PTPRJ: variants seen among roughly 807,000 people sequenced by gnomAD.
PTPRJ encodes protein tyrosine phosphatase receptor type J.
PTPRJ carries 129 observed loss-of-function variants against 141.3 expected under a neutral mutation model. The ratio of observed to expected loss-of-function variants is 0.91; its 90% CI spans 0.79 to 1.06. PTPRJ has a LOEUF of 1.06. Among genes scored for constraint, PTPRJ ranks in the 50% least tolerant of loss-of-function variants. The pLI, the probability that PTPRJ is intolerant of heterozygous loss-of-function variation, is 0.00. For missense variants in PTPRJ, 1,601 were observed against 1,679.7 expected, an observed-to-expected ratio of 0.95 and a Z score of 0.82; for synonymous variants, 610 against 640.5, an observed-to-expected ratio of 0.95 and a Z score of 0.72.
At position 48,137,242 on chromosome 11, in the gene PTPRJ, A is replaced by G. The variant is rs1411166951; in HGVS notation, c.2113A>G (p.Ile705Val). The G allele has an allele frequency of 6.2e-7, 1 of 1,614,014 alleles. No homozygotes were observed. The highest frequency in any genetic ancestry group is 1.3e-5 in the African/African-American group (1 of 74,906). The change falls in exon 10 of 25, where the codon ATC becomes GTC. Residue 705 changes from isoleucine (I) to valine (V), a missense_variant. Transcript: ENST00000418331. ...GATCTTTGCACAAGTAGGGGATGGG[A>G]TCAAGTCACTGGAACCTGGCCGGAA... ...VEIFAQVGDG[I>V]KSLEPGRKSF...
intron 1 of PTPRJ, among the ~76,000 whole-genome samples, chr11:48,045,766 G>A (rs1854376983): frequency 6.6e-6 from 1 of 152,172 alleles, no homozygotes; most frequent in African/African-American, 2.4e-5. Context: ...TTGGCCTTCT[G>A]CAGGCTGCAC....
chr11:48,033,689 C>T (rs1328582777), intron 1 of PTPRJ, among the ~76,000 whole-genome samples: 5 of 152,090 alleles, frequency 3.3e-5, no homozygotes, highest in Admixed American at 1.3e-4. Flanking sequence ...GATCATTGAT[C>T]GGTGAGCCTG....
At chr11:48,098,338 G>T (rs1426611908) in intron 1 of PTPRJ, among the ~76,000 whole-genome samples, 1 of 152,154 alleles carries the variant, frequency 6.6e-6, no homozygotes, top group Non-Finnish European at 1.5e-5. Context: ...TGTAACTAGC[G>T]GGATAAGGTA....
chr11:48,125,467 T>C (rs1302200967), intron 6 of PTPRJ, among the ~76,000 whole-genome samples: 1 of 152,244 alleles, frequency 6.6e-6, no homozygotes, highest in Non-Finnish European at 1.5e-5. Context: ...GCGTGGTGGC[T>C]GATGAGACAA....
rs1853866750 is a variant in PTPRJ, at chr11:47,980,570, C to A, written c.-343C>A. 1 of 982,824 alleles carries A rather than the reference C, an allele frequency of 1.0e-6. No individual in the cohort carries two copies. Among genetic ancestry groups the A allele is most frequent in the African/African-American group, 1.8e-5 (1 of 56,922 alleles). 60.9% of individuals were successfully genotyped at this position (982,824 alleles called of 1,614,324 possible). A position where few individuals can be genotyped will look rare whatever the true frequency, so the allele number is the denominator to read the frequency against. On this transcript the variant is annotated 5_prime_UTR_variant, in exon 1 of 25. Transcript: ENST00000418331. The stretch of plus-strand genomic sequence containing the variant: ...CGGCTCCCTGCAGCAGCCCCAGCCG[C>A]ATGACGCGCGGAGGAGGCAGCGGGA...
intron 1 of PTPRJ, among the ~76,000 whole-genome samples, chr11:48,041,972 A>G (rs1056222846): frequency 1.2e-5 from 1 of 84,170 alleles, no homozygotes; most frequent in Non-Finnish European, 2.2e-5. Flanking sequence ...CAGTTGTCCA[A>G]CTCTTGAGGT....
chr11:48,121,099 A>C lies in PTPRJ; in HGVS notation c.449A>C (p.Lys150Thr), dbSNP rs751658749. ...AATGACACAGCTGCTTCTGAGTACA[A>C]GTATGTAGTAAAGCATAAGATGGAA... ...KSNDTAASEYKYVVKHKMENE... is the reference protein window; with the variant it reads ...KSNDTAASEYTYVVKHKMENE... Residue 150 changes from lysine (K) to threonine (T), a missense_variant, in exon 4 of 25, where the codon AAG becomes ACG. Transcript: ENST00000418331. 2.5e-5 allele frequency: 41 copies of C among 1,613,934 alleles called. No individual in the cohort carries two copies. The highest frequency in any genetic ancestry group is 3.5e-5 in the Non-Finnish European group (41 of 1,179,976).
At position 48,112,892 on chromosome 11, in the gene PTPRJ, TG is replaced by T; in HGVS notation, c.262del (p.Glu88LysfsTer9). The T allele has an allele frequency of 6.2e-7, 1 of 1,614,126 alleles. No homozygotes were observed. Among genetic ancestry groups the T allele is most frequent in the Non-Finnish European group, 8.5e-7 (1 of 1,180,008 alleles). ...TGGAAACAAACACCAGTGAGGATGG[TG>T]AAAGCTCTGGAGCCAACGATAGTTT... Reference protein sequence around the residue: ...QVETNTSEDGESSGANDSLRT... With the variant: ...QVETNTSEDGXSSGANDSLRT... On this transcript the variant is annotated frameshift_variant, in exon 3 of 25. Coordinates refer to ENST00000418331, the MANE Select transcript of PTPRJ (RefSeq NM_002843.4). LOFTEE classifies it high-confidence loss of function.
rs115659096 is a variant in PTPRJ, at chr11:48,162,155, G to T, written c.3559-1303G>T. On this transcript the variant is annotated intron_variant, in intron 22 of 24. Coordinates refer to ENST00000418331, the MANE Select transcript of PTPRJ (RefSeq NM_002843.4). ...TGGCTCTGATCCAGGACACCACATG[G>T]CATTTAGTACCATGTTATTTTTTAA... Among the ~76,000 whole-genome samples, 1,505 of 152,132 alleles carry T rather than the reference G, an allele frequency of 9.9e-3. 23 individuals carry two copies. The highest frequency in any genetic ancestry group is 0.034 in the African/African-American group (1,424 of 41,478).
intron 1 of PTPRJ, among the ~76,000 whole-genome samples, chr11:48,071,991 C>T (rs560851801): frequency 7.3e-5 from 11 of 150,816 alleles, no homozygotes; most frequent in Admixed American, 4.0e-4. Context: ...CTGCAACCTC[C>T]GTCTCCCGGG....
Position 48,037,075 on chromosome 11 carries a change from G to C in PTPRJ, c.96+56067G>C, listed in dbSNP as rs147759396. Among the ~76,000 whole-genome samples, 1,147 of 152,224 alleles carry C rather than the reference G, an allele frequency of 7.5e-3. 17 individuals are homozygous for C. Among genetic ancestry groups the C allele is most frequent in the African/African-American group, 0.025 (1,046 of 41,510 alleles). ...TCACATTGTTGAAGAAAATTACACT[G>C]GAAAGCGTAAAATATAGTTTGGATG... On this transcript the variant is annotated intron_variant, in intron 1 of 24. Coordinates refer to ENST00000418331, the MANE Select transcript of PTPRJ (RefSeq NM_002843.4).
intron 12 of PTPRJ, among the ~76,000 whole-genome samples, chr11:48,143,639 G>A (rs1252899084): frequency 6.6e-5 from 10 of 152,198 alleles, no homozygotes; most frequent in Admixed American, 4.6e-4. Flanking sequence ...ATTAAAAGCT[G>A]CTTTTCCTTA....
intron 1 of PTPRJ, among the ~76,000 whole-genome samples, chr11:48,072,820 T>C (rs1374470015): frequency 6.6e-6 from 1 of 152,214 alleles, no homozygotes; most frequent in African/African-American, 2.4e-5. Flanking sequence ...TCTATTTTAA[T>C]ATGTATTAGG....
intron 1 of PTPRJ, among the ~76,000 whole-genome samples, chr11:48,027,389 C>T (rs1013567680): frequency 5.3e-5 from 8 of 151,988 alleles, no homozygotes; most frequent in African/African-American, 1.5e-4. Flanking sequence ...AAAGGGAGGG[C>T]CATCATGCAA....
At chr11:48,032,457 T>C (rs1854008241) in intron 1 of PTPRJ, among the ~76,000 whole-genome samples, 1 of 152,210 alleles carries the variant, frequency 6.6e-6, no homozygotes, top group Admixed American at 6.5e-5. Flanking sequence ...GGCTTCTATT[T>C]AGTTAACAAA....
intron 1 of PTPRJ, among the ~76,000 whole-genome samples, chr11:48,097,297 G>A (rs1856032368): frequency 6.6e-6 from 1 of 152,160 alleles, no homozygotes; most frequent in Non-Finnish European, 1.5e-5. Context: ...ATGAACCAAG[G>A]TAGGGGATGA....
At chr11:47,991,975 T>G (rs542889669) in intron 1 of PTPRJ, among the ~76,000 whole-genome samples, 1 of 152,312 alleles carries the variant, frequency 6.6e-6, no homozygotes, top group East Asian at 1.9e-4. Context: ...AATTAAATTT[T>G]TTTAATCTTA....
At chr11:47,983,369 G>A (rs976718865) in intron 1 of PTPRJ, among the ~76,000 whole-genome samples, 5 of 152,172 alleles carry the variant, frequency 3.3e-5, no homozygotes, top group Non-Finnish European at 7.3e-5. Flanking sequence ...GGTTTTTTGA[G>A]GCCTGGATTG....
In PTPRJ at chr11:48,155,827, G is replaced by A; in HGVS notation, c.3256G>A (p.Val1086Ile). The A allele has an allele frequency of 6.2e-7, 1 of 1,608,406 alleles. No homozygotes were observed. Among genetic ancestry groups the A allele is most frequent in the Non-Finnish European group, 8.5e-7 (1 of 1,175,180 alleles). ...TGATATTTCCCGTGTCAAACTTTCG[G>A]TCCAGACCCATTCAACGGATGACTA... The part of the protein sequence containing the change: ...PYDISRVKLS[V>I]QTHSTDDYIN... The change falls in exon 20 of 25, where the codon GTC becomes ATC. Residue 1086 changes from valine (V) to isoleucine (I), a missense_variant. Transcript: ENST00000418331.
Sources: allele counts gnomAD v4.1 joint callset (sites outside exome capture counted in the v4.1 genomes callset), GRCh38; gene constraint gnomAD v4.1.1; transcripts MANE v1.5; gene names NCBI Gene and HGNC (gene_info 2026-07-23, HGNC 2026-07-21).